Variants in RASGRP3 observed in about 807,000 individuals in gnomAD.
RASGRP3 encodes RAS guanyl releasing protein 3.
A neutral mutation model predicts 82.7 loss-of-function variants in RASGRP3; 54 were observed. That is an observed-to-expected ratio of 0.65 (90% CI 0.52 to 0.82). The LOEUF (loss-of-function observed/expected upper bound fraction) is 0.82, where lower values mean the gene tolerates loss of function less well. RASGRP3 is among the 40% of genes least tolerant of loss of function. RASGRP3 has a pLI of 0.00. For missense variants in RASGRP3, 861 were observed against 828.9 expected (o/e 1.04, Z -0.48); for synonymous variants, 309 against 300.5 (o/e 1.03, Z -0.29).
At chr2:33,562,073 T>C (rs1279074968) in intron 17 of RASGRP3, among the ~76,000 whole-genome samples, 1 of 152,208 alleles carries the variant, frequency 6.6e-6, no homozygotes, top group East Asian at 1.9e-4. Flanking sequence ...TATACATATG[T>C]AGATTTACAG....
chr2:33,486,601 C>G (rs1032093582), intron 1 of RASGRP3, among the ~76,000 whole-genome samples: 2 of 152,290 alleles, frequency 1.3e-5, no homozygotes, highest in Admixed American at 6.5e-5. Context: ...AATCATCTTA[C>G]AATACATAAA....
chr2:33,447,105 C>CAAAA (rs1161927671), intron 1 of RASGRP3, among the ~76,000 whole-genome samples: 15 of 59,286 alleles, frequency 2.5e-4, no homozygotes, highest in African/African-American at 7.6e-4. Context: ...GACTCCGTCT[C>CAAAA]AAAAAAAAAA....
chr2:33,556,894 C>T (rs1390366941), intron 15 of RASGRP3, among the ~76,000 whole-genome samples: 4 of 130,920 alleles, frequency 3.1e-5, no homozygotes, highest in Non-Finnish European at 6.3e-5. Flanking sequence ...CTAAAATACA[C>T]ACACACACAC....
intron 15 of RASGRP3, 143 bp from the exon 16 acceptor site, chr2:33,558,068 A>G (rs1305166726): frequency 7.3e-6 from 8 of 1,100,236 alleles, no homozygotes; most frequent in Admixed American, 2.2e-5. Flanking sequence ...TCCTAGACAC[A>G]CCCCATGGGC....
chr2:33,549,778 A>G, intron 14 of RASGRP3, 27 bp downstream of exon 14: 2 of 1,607,252 alleles, frequency 1.2e-6, no homozygotes, highest in Non-Finnish European at 8.5e-7. Flanking sequence ...TTGTTTTCTT[A>G]TGTGTGTAGT....
upstream of RASGRP3, among the ~76,000 whole-genome samples, chr2:33,474,406 T>A (rs903462197): frequency 6.6e-6 from 1 of 152,074 alleles, no homozygotes; most frequent in Admixed American, 6.6e-5. Context: ...AGTGGTGCGG[T>A]CTTGATCTTG....
chr2:33,460,198 C>T lies in RASGRP3; in HGVS notation c.-261+12255C>T, dbSNP rs548899923. On this transcript the variant is annotated intron_variant, in intron 2 of 18. Transcript: ENST00000402538. ...AACTATACTGTGGAGTAGAATGCAA[C>T]TATTAAAAAGAATAAATCAAATCTA... is the stretch of plus-strand genomic sequence containing the variant. Among the ~76,000 whole-genome samples the T allele has an allele frequency of 2.8e-4, 43 of 152,216 alleles. No homozygotes were observed. The South Asian group carries it at 7.5e-3, about 26-fold the overall frequency.
chr2:33,511,748 G>A lies in RASGRP3; in HGVS notation c.-222G>A, dbSNP rs1284918872. 6.6e-6 allele frequency: 1 copy of A among 152,624 alleles called. No homozygotes were observed. The highest frequency in any genetic ancestry group is 1.5e-5 in the Non-Finnish European group (1 of 68,046). 9.5% of individuals were successfully genotyped at this position (152,624 alleles called of 1,614,324 possible). On this transcript the variant is annotated 5_prime_UTR_variant, in exon 2 of 18. Coordinates refer to ENST00000403687, the MANE Select transcript of RASGRP3 (RefSeq NM_001139488.2). ...CTTATCATTCAGGTTGAATAAACCAGTTCTACAGACTGCTTCTTCCATGCA... is the reference window on the plus strand; with the variant it reads ...CTTATCATTCAGGTTGAATAAACCAATTCTACAGACTGCTTCTTCCATGCA...
chr2:33,559,728 A>G (rs1451029072), intron 17 of RASGRP3: 1 of 472,940 alleles, frequency 2.1e-6, no homozygotes, highest in East Asian at 5.9e-5. Context: ...AAGCAATGTC[A>G]TGGAGGACAG....
chr2:33,546,171 C>A (rs1674720993), intron 13 of RASGRP3, among the ~76,000 whole-genome samples: 2 of 151,478 alleles, frequency 1.3e-5, no homozygotes, highest in South Asian at 4.2e-4. Flanking sequence ...CGCCTGTAAT[C>A]CCAGAACTTT....
chr2:33,469,374 C>T (rs186770748), intron 2 of RASGRP3, among the ~76,000 whole-genome samples: 4 of 151,966 alleles, frequency 2.6e-5, no homozygotes, highest in African/African-American at 7.2e-5. Context: ...GTGATTGAAA[C>T]GTTTTCAGGA....
chr2:33,443,266 A>G (rs924658047), intron 1 of RASGRP3, among the ~76,000 whole-genome samples: 1 of 152,222 alleles, frequency 6.6e-6, no homozygotes. Context: ...TGAATTAATG[A>G]TTCAATATCT....
chr2:33,519,620 G>C (rs1445802352), intron 4 of RASGRP3, among the ~76,000 whole-genome samples: 1 of 152,128 alleles, frequency 6.6e-6, no homozygotes, highest in African/African-American at 2.4e-5. Flanking sequence ...ACAATGTAGT[G>C]TTTCTCTGTA....
intron 1 of RASGRP3, among the ~76,000 whole-genome samples, chr2:33,443,239 C>T (rs1228900742): frequency 6.6e-6 from 1 of 152,046 alleles, no homozygotes; most frequent in Non-Finnish European, 1.5e-5. Flanking sequence ...AATAAAACAA[C>T]AAAAACTCAA....
chr2:33,521,828 A>T, intron 6 of RASGRP3, 127 bp from the exon 7 acceptor site: 2 of 1,128,024 alleles, frequency 1.8e-6, no homozygotes, highest in Non-Finnish European at 1.2e-6. Flanking sequence ...CCAATATGAA[A>T]GACAGGGCAT....
At chr2:33,468,931 A>G (rs1363437245) in intron 2 of RASGRP3, among the ~76,000 whole-genome samples, 1 of 152,252 alleles carries the variant, frequency 6.6e-6, no homozygotes, top group African/African-American at 2.4e-5. Flanking sequence ...GACATACATT[A>G]CAAAATTATC....
At chr2:33,534,094 G>C in intron 10 of RASGRP3, 3 of 523,664 alleles carry the variant, frequency 5.7e-6, no homozygotes, top group Non-Finnish European at 1.0e-5. Flanking sequence ...AGTAAATATT[G>C]CTGAGGAATT....
At chr2:33,493,548 C>A (rs1669043567) in intron 1 of RASGRP3, among the ~76,000 whole-genome samples, 1 of 152,000 alleles carries the variant, frequency 6.6e-6, no homozygotes, top group Non-Finnish European at 1.5e-5. Flanking sequence ...GTGTCAGGAC[C>A]CAAGTGTTGG....
intron 17 of RASGRP3, 129 bp downstream of exon 17, chr2:33,559,159 T>TATC (rs1441955118): frequency 1.3e-6 from 1 of 756,976 alleles, no homozygotes. Flanking sequence ...TGAAGACATG[T>TATC]ATCACTTTTA....
Sources: gnomAD v4.1 joint callset for allele counts (sites outside exome capture counted in the v4.1 genomes callset) on GRCh38, gnomAD v4.1.1 for gene constraint, MANE v1.5 for transcripts, NCBI Gene and HGNC (gene_info 2026-07-23, HGNC 2026-07-21) for gene names.